The following ATP2C1 variants were observed in gnomAD, a reference collection of about 807,000 sequenced individuals.
ATP2C1 encodes the protein calcium-transporting ATPase type 2C member 1.
A neutral mutation model predicts 120.5 loss-of-function variants in ATP2C1; 31 were observed. The observed-to-expected ratio is 0.26, with a 90% CI of 0.19 to 0.35. The LOEUF (loss-of-function observed/expected upper bound fraction) is 0.35, where lower values mean the gene tolerates loss of function less well. ATP2C1 is among the 10% of genes least tolerant of loss of function. The pLI, the probability that ATP2C1 is intolerant of heterozygous loss-of-function variation, is 1.00. For synonymous variants in ATP2C1, 351 were observed against 358.7 expected, an observed-to-expected ratio of 0.98 and a Z score of 0.24; for missense variants, 731 against 1,107.5, an observed-to-expected ratio of 0.66 and a Z score of 4.83.
rs150356061 is a variant in ATP2C1, at chr3:130,974,471, C to T, written c.1414-861C>T. ...TGACACAAGTACTCATGTTTATTGG[C>T]CAAAGCAAGTCATACCTGACCGTTG... On this transcript the variant is annotated intron_variant, in intron 17 of 27. Coordinates refer to ENST00000510168, the MANE Select transcript of ATP2C1 (RefSeq NM_001378687.1). Among the ~76,000 whole-genome samples, 256 of 152,320 alleles carry T rather than the reference C, an allele frequency of 1.7e-3. 1 individual carries two copies. The highest frequency in any genetic ancestry group is 3.2e-3 in the Non-Finnish European group (219 of 68,024).
At chr3:130,980,548 T>C (rs1339674877) in intron 19 of ATP2C1, 34 bp from the exon 20 acceptor site, 2 of 1,515,278 alleles carry the variant, frequency 1.3e-6, no homozygotes, top group Non-Finnish European at 1.8e-6. Flanking sequence ...AAAAACAATT[T>C]GGTTTATTAC....
intron 26 of ATP2C1, among the ~76,000 whole-genome samples, chr3:131,014,858 A>G (rs1003624107): frequency 1.3e-5 from 2 of 152,212 alleles, no homozygotes; most frequent in Admixed American, 6.5e-5. Flanking sequence ...AAAGCTGATA[A>G]ACTGGTACCT....
intron 20 of ATP2C1, among the ~76,000 whole-genome samples, chr3:130,982,338 G>A (rs541857037): frequency 1.3e-3 from 204 of 152,258 alleles, no homozygotes; most frequent in African/African-American, 4.9e-3. Context: ...ATTATTTGTA[G>A]GAAGGAGGTA....
At chr3:130,991,930 C>T (rs1472501618) in intron 20 of ATP2C1, among the ~76,000 whole-genome samples, 7 of 151,882 alleles carry the variant, frequency 4.6e-5, no homozygotes, top group Admixed American at 6.6e-5. Flanking sequence ...ATTGCAGGTA[C>T]GAGGAGAGAA....
chr3:130,965,076 A>C, intron 14 of ATP2C1, 31 bp downstream of exon 14: 1 of 1,485,400 alleles, frequency 6.7e-7, no homozygotes, highest in African/African-American at 1.4e-5. Context: ...AACAAACAAA[A>C]ACAGTATCCC....
chr3:130,904,467 T>C (rs1374049286), intron 2 of ATP2C1, among the ~76,000 whole-genome samples: 1 of 152,082 alleles, frequency 6.6e-6, no homozygotes, highest in Non-Finnish European at 1.5e-5. Context: ...GCATGTCTTA[T>C]GATGGGTGAA....
chr3:130,869,721 ACT>A (rs1477011018), intron 1 of ATP2C1, among the ~76,000 whole-genome samples: 1 of 152,184 alleles, frequency 6.6e-6, no homozygotes, highest in Non-Finnish European at 1.5e-5. Context: ...TAAGTCTCTA[ACT>A]CTCTTGAATT....
rs1576770970 is a variant in ATP2C1, at chr3:130,932,467, A to C, written c.234+329A>C. The stretch of plus-strand genomic sequence containing the variant: ...TTAAGGTAATCATGGCCAGCTCAGA[A>C]AACTAGTAAAAAGTAAGTTAGGTAA... On this transcript the variant is annotated intron_variant, in intron 4 of 27. Transcript: ENST00000510168. Among the ~76,000 whole-genome samples the C allele has an allele frequency of 2.0e-5, 3 of 152,236 alleles. No individual in the cohort carries two copies. In the South Asian group the frequency reaches 6.2e-4, roughly 32 times the overall value.
intron 12 of ATP2C1, among the ~76,000 whole-genome samples, chr3:130,959,883 C>G (rs1000686650): frequency 1.3e-5 from 2 of 151,628 alleles, no homozygotes; most frequent in African/African-American, 4.8e-5. Flanking sequence ...AGGTCTCCCC[C>G]CAAAAAGAGT....
intron 8 of ATP2C1, among the ~76,000 whole-genome samples, chr3:130,951,535 T>G (rs575812440): frequency 5.6e-4 from 86 of 152,316 alleles, no homozygotes; most frequent in African/African-American, 1.9e-3. Context: ...TTTTAAGATT[T>G]GTTTCTCTTA....
intron 14 of ATP2C1, among the ~76,000 whole-genome samples, chr3:130,966,468 C>T (rs1380315247): frequency 2.0e-5 from 3 of 151,448 alleles, no homozygotes; most frequent in African/African-American, 7.3e-5. Context: ...GCTTTGTTGC[C>T]CAGGCTGGTC....
intron 1 of ATP2C1, among the ~76,000 whole-genome samples, chr3:130,863,698 G>A (rs1356332296): frequency 6.6e-6 from 1 of 152,166 alleles, no homozygotes; most frequent in African/African-American, 2.4e-5. Context: ...AATCATGGGG[G>A]CTGGTCTTTC....
chr3:130,951,096 A>G (rs1451144235), intron 8 of ATP2C1, among the ~76,000 whole-genome samples: 1 of 152,186 alleles, frequency 6.6e-6, no homozygotes. Context: ...TGTAACAAGC[A>G]TTAAATATGA....
intron 1 of ATP2C1, among the ~76,000 whole-genome samples, chr3:130,865,942 A>T (rs759567662): frequency 2.6e-5 from 4 of 152,178 alleles, no homozygotes; most frequent in Non-Finnish European, 5.9e-5. Context: ...AATCCCCATA[A>T]TCATATATTG....
At chr3:130,988,851 A>G (rs1345783422) in intron 20 of ATP2C1, among the ~76,000 whole-genome samples, 1 of 152,216 alleles carries the variant, frequency 6.6e-6, no homozygotes, top group Non-Finnish European at 1.5e-5. Context: ...CTGGGGACCA[A>G]GTCTCCACTT....
In ATP2C1 at chr3:130,996,775, T is replaced by G; in HGVS notation, c.2222T>G (p.Met741Arg). Residue 741 changes from methionine to arginine, a missense_variant, in exon 24 of 28, where the codon ATG (methionine) becomes AGG (arginine). Around this residue, in one of 3 missense-constraint regions of ATP2C1, gnomAD observed 19 missense variants for 60.0 expected, o/e 0.32. Coordinates refer to ENST00000510168, the MANE Select transcript of ATP2C1 (RefSeq NM_001378687.1). The part of the protein sequence containing the change: ...AMQILWINII[M>R]DGPPAQSLGV... ...CAGATTTTGTGGATCAATATTATTA[T>G]GGATGGACCCCCAGCTCAGAGGTAC... is the stretch of plus-strand genomic sequence containing the variant. 1 of 1,609,812 alleles carries G rather than the reference T, an allele frequency of 6.2e-7. No homozygotes were observed. The highest frequency in any genetic ancestry group is 8.5e-7 in the Non-Finnish European group (1 of 1,176,134).
intron 11 of ATP2C1, 112 bp from the exon 12 acceptor site, chr3:130,959,163 T>C: frequency 1.4e-6 from 1 of 734,664 alleles, no homozygotes; most frequent in East Asian, 2.8e-5. Context: ...AATTGTGATC[T>C]GATATGCTTT....
intron 8 of ATP2C1, among the ~76,000 whole-genome samples, chr3:130,943,888 A>G (rs1461607982): frequency 1.3e-5 from 2 of 152,226 alleles, no homozygotes; most frequent in African/African-American, 4.8e-5. Flanking sequence ...TCTTCTGGAC[A>G]CAGAAGCTGC....
At chr3:130,865,787 C>G (rs972528541) in intron 1 of ATP2C1, among the ~76,000 whole-genome samples, 1 of 152,198 alleles carries the variant, frequency 6.6e-6, no homozygotes, top group Non-Finnish European at 1.5e-5. Context: ...AACTGTAAGT[C>G]CAATTAAACC....
Sources: allele counts gnomAD v4.1 joint callset (sites outside exome capture counted in the v4.1 genomes callset), GRCh38; gene constraint gnomAD v4.1.1; regional missense constraint gnomAD v4.1.1; transcripts MANE v1.5; gene names NCBI Gene and HGNC (gene_info 2026-07-23, HGNC 2026-07-21).